Variants in PHYKPL observed in about 807,000 individuals in gnomAD.
The protein encoded by PHYKPL is 5-phosphonooxy-L-lysine phospho-lyase.
A neutral mutation model predicts 51.3 loss-of-function variants in PHYKPL; 42 were observed. The observed-to-expected ratio is 0.82, with a 90% CI of 0.64 to 1.06. The LOEUF is 1.06. PHYKPL is among the 50% of genes least tolerant of loss of function. The pLI, the probability that PHYKPL is intolerant of heterozygous loss-of-function variation, is 0.00. For synonymous variants in PHYKPL, 264 were observed against 236.0 expected (o/e 1.12, Z -1.09); for missense variants, 655 against 586.6 (o/e 1.12, Z -1.20).
At chr5:178,228,924 G>A (rs1035767463) in intron 3 of PHYKPL, among the ~76,000 whole-genome samples, 8 of 152,094 alleles carry the variant, frequency 5.3e-5, no homozygotes, top group African/African-American at 1.7e-4. Flanking sequence ...CCACTTGGCG[G>A]AGAAGGCCCT....
chr5:178,218,862 T>G (rs182374925), intron 8 of PHYKPL, among the ~76,000 whole-genome samples: 7 of 152,290 alleles, frequency 4.6e-5, no homozygotes, highest in Non-Finnish European at 1.5e-5. Context: ...TCCCAATTTA[T>G]TCTATAAGGT....
Position 178,215,493 on chromosome 5 carries a change from G to A in PHYKPL, c.928-63C>T, listed in dbSNP as rs2113761212. On this transcript the variant is annotated intron_variant, in intron 8 of 12. Transcript: ENST00000308158. ...AGAGTGGGCCATGCCCCAGAGTGAG[G>A]GTGAGGCAGAAGAACTGCCACACGT... 3 of 1,539,414 alleles carry A rather than the reference G, an allele frequency of 1.9e-6. 1 individual carries two copies. In the South Asian group the frequency reaches 3.7e-5, roughly 19 times the overall value.
At position 178,222,453 on chromosome 5, in the gene PHYKPL, C is replaced by T. The variant is rs1761360659; in HGVS notation, c.829G>A (p.Gly277Ser). 4 of 1,614,244 alleles carry T rather than the reference C, an allele frequency of 2.5e-6. No homozygotes were observed. The highest frequency in any genetic ancestry group is 3.4e-6 in the Non-Finnish European group (4 of 1,180,046). ...KDFVPDIVTMGKSIGNGHPVA... is the reference protein window; with the variant it reads ...KDFVPDIVTMSKSIGNGHPVA... ...GGGTGGCCGTTGCCAATGGACTTGC[C>T]CATGGTGACGATGTCAGGGACGAAG... The change falls in exon 8 of 13, where the codon GGC becomes AGC. Residue 277 changes from glycine (G) to serine (S), a missense_variant. By Grantham distance (56) the Gly-to-Ser change is moderately conservative. Transcript: ENST00000308158.
Position 178,222,928 on chromosome 5 carries a change from C to G in PHYKPL, c.625G>C (p.Ala209Pro), listed in dbSNP as rs145840442. Residue 209 changes from alanine (A) to proline (P), a missense_variant, in exon 7 of 13, where the codon GCC (alanine) becomes CCC (proline). Coordinates refer to ENST00000308158, the MANE Select transcript of PHYKPL (RefSeq NM_153373.4). ...SAQEKGRKIA[A>P]FFAESLPSVG... is the part of the protein sequence containing the mutation. Reference sequence around the variant, plus strand: ...CTGGGCAGAGACTCAGCGAAGAAGGCTGCAATCTGTGAAGAGATGGACATT... The same window carrying G: ...CTGGGCAGAGACTCAGCGAAGAAGGGTGCAATCTGTGAAGAGATGGACATT... 6.2e-7 allele frequency: 1 copy of G among 1,613,968 alleles called. No individual in the cohort carries two copies. The highest frequency in any genetic ancestry group is 1.3e-5 in the African/African-American group (1 of 74,906).
chr5:178,211,224 G>C (rs868616520), intron 12 of PHYKPL: 6 of 153,278 alleles, frequency 3.9e-5, no homozygotes, highest in South Asian at 4.1e-4. Flanking sequence ...GGGAGGCGGG[G>C]GGGGGGTGCC....
downstream of PHYKPL, chr5:178,207,371 G>GGGCAGTGT: frequency 1.1e-6 from 1 of 938,238 alleles, no homozygotes; most frequent in Non-Finnish European, 1.6e-6. Flanking sequence ...GCCCTGATTG[G>GGGCAGTGT]GGCAGTGTTC....
rs1258608014 is a variant in PHYKPL, at chr5:178,232,473, C to T, written c.59+19G>A. On this transcript the variant is annotated intron_variant, in intron 1 of 12. Coordinates refer to ENST00000308158, the MANE Select transcript of PHYKPL (RefSeq NM_153373.4). ...CGCGCAGCCCCGCGCCCCCCGCCGC[C>T]CGCCCCCCGCCCGGGTACCTGATGA... The T allele has an allele frequency of 3.0e-6, 4 of 1,352,066 alleles. No homozygotes were observed. Among genetic ancestry groups the T allele is most frequent in the Non-Finnish European group, 3.8e-6 (4 of 1,056,224 alleles). 83.8% of individuals were successfully genotyped at this position (1,352,066 alleles called of 1,614,324 possible). A position where few individuals can be genotyped will look rare whatever the true frequency, so the allele number is the denominator to read the frequency against.
intron 12 of PHYKPL, chr5:178,210,713 C>A: frequency 3.1e-6 from 3 of 961,798 alleles, no homozygotes; most frequent in Non-Finnish European, 5.0e-6. Flanking sequence ...ACTTGGCAAA[C>A]TTTCTATTGC....
rs145740819 is a variant in PHYKPL, at chr5:178,231,797, C to T, written c.60-274G>A. 2.2e-4 allele frequency: 317 copies of T among 1,414,462 alleles called. 1 individual carries two copies. In the East Asian group the frequency reaches 7.8e-3, roughly 35 times the overall value. The allele number at this position is 1,414,462 out of a possible 1,614,324, so 87.6% of individuals were successfully genotyped here. On this transcript the variant is annotated intron_variant, in intron 1 of 12. Transcript: ENST00000308158. ...CTCCTTGCTCATTTCTGCATGTGTC[C>T]GCGTCAGTCTCCCGGATCCTGAGAA...
In PHYKPL at chr5:178,232,751, C is replaced by T; in HGVS notation, c.-201G>A. On this transcript the variant is annotated 5_prime_UTR_variant, in exon 1 of 13. Transcript: ENST00000308158. ...CCACTGGGCCTGGCAGCCTTCCGGCCCGTGGTCGTGCCTTGGCAGTCCCGC... is the reference window on the plus strand; with the variant it reads ...CCACTGGGCCTGGCAGCCTTCCGGCTCGTGGTCGTGCCTTGGCAGTCCCGC... 1 of 511,052 alleles carries T rather than the reference C, an allele frequency of 2.0e-6. No homozygotes were observed. Among genetic ancestry groups the T allele is most frequent in the Non-Finnish European group, 2.9e-6 (1 of 342,042 alleles). 31.7% of individuals were successfully genotyped at this position (511,052 alleles called of 1,614,324 possible).
At chr5:178,210,433 CAT>C in intron 12 of PHYKPL, 1 of 1,514,282 alleles carries the variant, frequency 6.6e-7, no homozygotes. Context: ...GTCTTAATAA[CAT>C]GAGGAAGGCA....
intron 12 of PHYKPL, chr5:178,210,412 T>TA (rs1285655467): frequency 1.3e-6 from 2 of 1,542,914 alleles, no homozygotes; most frequent in African/African-American, 2.7e-5. Context: ...TTTTGAGCCT[T>TA]AGACTTCGGG....
Position 178,232,576 on chromosome 5 carries a change from TGACGCCACGCGGA to T in PHYKPL, c.-39_-27del. The T allele has an allele frequency of 8.2e-7, 1 of 1,225,862 alleles. No individual in the cohort carries two copies. Among genetic ancestry groups the T allele is most frequent in the Non-Finnish European group, 1.0e-6 (1 of 982,790 alleles). The allele number at this position is 1,225,862 out of a possible 1,614,324, so 75.9% of individuals were successfully genotyped here. Reference sequence around the variant, plus strand: ...GGTGGGTGGCCGTCAGTCGGTGCCGTGACGCCACGCGGAGACGTCGCCGCGCGGGCTGGGCCTC... The same window carrying T: ...GGTGGGTGGCCGTCAGTCGGTGCCGTGACGTCGCCGCGCGGGCTGGGCCTC... On this transcript the variant is annotated 5_prime_UTR_variant, in exon 1 of 13. Coordinates refer to ENST00000308158, the MANE Select transcript of PHYKPL (RefSeq NM_153373.4).
chr5:178,220,467 C>G (rs1760931265), intron 8 of PHYKPL, among the ~76,000 whole-genome samples: 1 of 152,072 alleles, frequency 6.6e-6, no homozygotes, highest in Non-Finnish European at 1.5e-5. Flanking sequence ...AGCACTCCAG[C>G]CTGGGCAACA....
At chr5:178,227,578 G>A (rs1762542819) in intron 3 of PHYKPL, among the ~76,000 whole-genome samples, 1 of 152,214 alleles carries the variant, frequency 6.6e-6, no homozygotes, top group African/African-American at 2.4e-5. Context: ...GAAGATGAGG[G>A]AGGCCAGGGC....
chr5:178,225,098 T>G (rs575738225), intron 4 of PHYKPL: 4 of 574,400 alleles, frequency 7.0e-6, no homozygotes, highest in Non-Finnish European at 1.2e-5. Context: ...AGTTTGAACA[T>G]GTACAATGTT....
intron 3 of PHYKPL, among the ~76,000 whole-genome samples, chr5:178,226,897 GTATATATGTGTGTCTGTGTATTTATA>G (rs1447002881): frequency 1.3e-4 from 19 of 151,720 alleles, no homozygotes; most frequent in Non-Finnish European, 8.8e-5. Context: ...GCGTGTGTTT[GTATATATGTGTGTCTGTGTATTTATA>G]TATATATGTG....
At position 178,224,732 on chromosome 5, in the gene PHYKPL, G is replaced by A. The variant is rs1419344012; in HGVS notation, c.414-3C>T. 2.5e-6 allele frequency: 4 copies of A among 1,611,334 alleles called. No individual in the cohort carries two copies. Among genetic ancestry groups the A allele is most frequent in the Admixed American group, 3.3e-5 (2 of 59,962 alleles). On this transcript the variant is annotated splice_polypyrimidine_tract_variant and splice_region_variant and intron_variant, in intron 4 of 12. Coordinates refer to ENST00000308158, the MANE Select transcript of PHYKPL (RefSeq NM_153373.4). Reference sequence around the variant, plus strand: ...AGCTCAGGTGGCCGTGATACGCACTGGGGAGGAGAAGGGAGGGTAGGCTCG... The same window carrying A: ...AGCTCAGGTGGCCGTGATACGCACTAGGGAGGAGAAGGGAGGGTAGGCTCG...
chr5:178,230,188 G>A, intron 2 of PHYKPL, 89 bp from the exon 3 acceptor site: 2 of 1,521,232 alleles, frequency 1.3e-6, no homozygotes, highest in Non-Finnish European at 1.8e-6. Context: ...AACCCAGCCA[G>A]AAGAGATGTA....
Sources: gnomAD v4.1 joint callset for allele counts (sites outside exome capture counted in the v4.1 genomes callset) on GRCh38, gnomAD v4.1.1 for gene constraint, MANE v1.5 for transcripts, NCBI Gene and HGNC (gene_info 2026-07-23, HGNC 2026-07-21) for gene names.